The following TP63 variants were observed in gnomAD, a reference collection of about 807,000 sequenced individuals.
TP63 encodes tumor protein p63.
Under a neutral mutation model 82.8 loss-of-function variants are expected in TP63, and 17 were observed. That is an observed-to-expected ratio of 0.21 (90% confidence interval 0.14 to 0.31). TP63 has a LOEUF of 0.31. Ranked by LOEUF, TP63 falls within the 10% of genes least tolerant of loss-of-function variation. The pLI is 1.00. For missense variants in TP63, 648 were observed against 895.3 expected, an observed-to-expected ratio of 0.72 and a Z score of 3.52; for synonymous variants, 330 against 321.7, an observed-to-expected ratio of 1.03 and a Z score of -0.28.
intron 1 of TP63, among the ~76,000 whole-genome samples, chr3:189,682,623 A>G (rs1716080839): frequency 6.7e-6 from 1 of 148,402 alleles, no homozygotes; most frequent in African/African-American, 2.5e-5. Context: ...TTATTGAAGT[A>G]TTATTTATAA....
intron 3 of TP63, among the ~76,000 whole-genome samples, chr3:189,788,034 G>A (rs1448206573): frequency 6.6e-6 from 1 of 151,314 alleles, no homozygotes; most frequent in Non-Finnish European, 1.5e-5. Flanking sequence ...GTCAGTAGGT[G>A]TAGAATTTAG....
At position 189,869,754 on chromosome 3, in the gene TP63, G is replaced by A. The variant is rs36120022; in HGVS notation, c.1212+348G>A. 8.8e-3 allele frequency among the ~76,000 whole-genome samples: 1,315 copies of A among 149,416 alleles called. 6 individuals are homozygous for A. Among genetic ancestry groups the A allele is most frequent in the Middle Eastern group, 0.031 (9 of 292 alleles). On this transcript the variant is annotated intron_variant, in intron 9 of 13. Coordinates refer to ENST00000264731, the MANE Select transcript of TP63 (RefSeq NM_003722.5). Reference sequence around the variant, plus strand: ...TTTATAAGGGCAAAATCCCATTTATGAAGGCTCCACTCTCATTACCTAAAT... The same window carrying A: ...TTTATAAGGGCAAAATCCCATTTATAAAGGCTCCACTCTCATTACCTAAAT...
chr3:189,845,626 C>T (rs1714760187), intron 4 of TP63, among the ~76,000 whole-genome samples: 1 of 151,006 alleles, frequency 6.6e-6, no homozygotes, highest in African/African-American at 2.4e-5. Context: ...TTAAGCCTTT[C>T]TTAGAGTTTT....
chr3:189,667,589 C>G (rs1714514838), intron 1 of TP63, among the ~76,000 whole-genome samples: 1 of 152,012 alleles, frequency 6.6e-6, no homozygotes, highest in South Asian at 2.1e-4. Flanking sequence ...ATGGGATAAT[C>G]TTTACAAGCT....
the TP63 span, among the ~76,000 whole-genome samples, chr3:189,609,816 A>G: frequency 1.3e-5 from 2 of 152,120 alleles, no homozygotes; most frequent in African/African-American, 4.8e-5. Context: ...TGTCTTTGCT[A>G]TTGTGAATAG....
intron 1 of TP63, among the ~76,000 whole-genome samples, chr3:189,679,833 C>A (rs116556008): frequency 3.3e-5 from 5 of 152,164 alleles, no homozygotes; most frequent in Middle Eastern, 6.8e-3. Flanking sequence ...TAATTCTTGA[C>A]GTGGATATTC....
Position 189,808,469 on chromosome 3 carries a change from G to A in TP63, c.522G>A (p.Pro174=), listed in dbSNP as rs780233345. The change falls in exon 4 of 14, where the codon CCG becomes CCA. Residue 174 remains proline, a synonymous_variant. Transcript: ENST00000264731. ...AIPSNTDYPG[P]HSFDVSFQQS... ...CCTCCAACACCGACTACCCAGGCCC[G>A]CACAGTTTCGACGTGTCCTTCCAGC... is the stretch of plus-strand genomic sequence containing the variant. 5 of 1,613,996 alleles carry A rather than the reference G, an allele frequency of 3.1e-6. No individual in the cohort carries two copies. Among genetic ancestry groups the A allele is most frequent in the Non-Finnish European group, 4.2e-6 (5 of 1,180,052 alleles).
rs761941868 is a variant in TP63, at chr3:189,707,242, C to T, written c.63-30498C>T. ...TTCCTTTTCAAAATCTTGCTAAATG[C>T]TTGCATAGTATTTGCATATCTGTAA... is the stretch of plus-strand genomic sequence containing the variant. On this transcript the variant is annotated intron_variant, in intron 1 of 13. Coordinates refer to ENST00000264731, the MANE Select transcript of TP63 (RefSeq NM_003722.5). Among the ~76,000 whole-genome samples, 43 of 152,136 alleles carry T rather than the reference C, an allele frequency of 2.8e-4. 1 individual carries two copies. The highest frequency in any genetic ancestry group is 4.3e-4 in the Non-Finnish European group (29 of 68,004).
At chr3:189,765,432 G>GTTTTTTTTTT (rs1560167431) in intron 3 of TP63, among the ~76,000 whole-genome samples, 21 of 6,176 alleles carry the variant, frequency 3.4e-3, no homozygotes, top group South Asian at 0.015. Context: ...CCTGTCCTCT[G>GTTTTTTTTTT]CTTTTTTTTT....
intron 1 of TP63, among the ~76,000 whole-genome samples, chr3:189,641,133 T>C (rs1711832439): frequency 6.6e-6 from 1 of 152,114 alleles, no homozygotes; most frequent in African/African-American, 2.4e-5. Context: ...CATTGTAAAC[T>C]TAGTAGTTGA....
chr3:189,679,872 T>A (rs184999446), intron 1 of TP63, among the ~76,000 whole-genome samples: 1 of 152,324 alleles, frequency 6.6e-6, no homozygotes, highest in Admixed American at 6.5e-5. Flanking sequence ...TTGAAGAAGC[T>A]ATCTGTTCCC....
rs752838200 is a variant in TP63 at position 189,631,593 on chromosome 3, A to G, written c.62+16A>G. ...ACATCCAGCGGTGAGTTTGAATGTG[A>G]CATAACTTCTCTCAAAACTTAATTG... is the stretch of plus-strand genomic sequence containing the variant. On this transcript the variant is annotated intron_variant, in intron 1 of 13. Coordinates refer to ENST00000264731, the MANE Select transcript of TP63 (RefSeq NM_003722.5). 6.2e-6 allele frequency: 10 copies of G among 1,612,712 alleles called. No individual in the cohort carries two copies. Among genetic ancestry groups the G allele is most frequent in the Non-Finnish European group, 8.5e-6 (10 of 1,178,998 alleles).
intron 5 of TP63, among the ~76,000 whole-genome samples, chr3:189,864,802 C>T (rs1442650785): frequency 3.3e-5 from 5 of 151,854 alleles, no homozygotes; most frequent in East Asian, 1.9e-4. Context: ...GTCAGGAGAT[C>T]GAGACCATCC....
intron 1 of TP63, among the ~76,000 whole-genome samples, chr3:189,730,846 CACT>C (rs1461104200): frequency 6.6e-6 from 1 of 152,178 alleles, no homozygotes; most frequent in African/African-American, 2.4e-5. Flanking sequence ...TGGTCTGCAT[CACT>C]ACTAAGTGCT....
At chr3:189,798,746 G>A (rs564796742) in intron 3 of TP63, among the ~76,000 whole-genome samples, 3 of 152,008 alleles carry the variant, frequency 2.0e-5, no homozygotes, top group Admixed American at 1.3e-4. Context: ...TCTCTTAAAC[G>A]TGGTATTCCA....
Position 189,838,126 on chromosome 3 carries a change from CCA to C in TP63, c.580-26103_580-26102del, listed in dbSNP as rs537023070. Reference sequence around the variant, plus strand: ...TGAGCTAAGCTATGACACTTGTTTTCCACAGTTTCCTGAGCCCCCCTCCCTCC... The same window carrying C: ...TGAGCTAAGCTATGACACTTGTTTTCCAGTTTCCTGAGCCCCCCTCCCTCC... On this transcript the variant is annotated intron_variant, in intron 4 of 13. Coordinates refer to ENST00000264731, the MANE Select transcript of TP63 (RefSeq NM_003722.5). Among the ~76,000 whole-genome samples, 240 of 152,166 alleles carry C rather than the reference CCA, an allele frequency of 1.6e-3. 3 individuals carry two copies. Among genetic ancestry groups the C allele is most frequent in the Non-Finnish European group, 2.1e-3 (146 of 68,012 alleles).
At chr3:189,751,131 C>A (rs1168971696) in intron 3 of TP63, among the ~76,000 whole-genome samples, 1 of 152,118 alleles carries the variant, frequency 6.6e-6, no homozygotes, top group African/African-American at 2.4e-5. Flanking sequence ...CATCCATGTC[C>A]CTGCAAAGGA....
intron 9 of TP63, among the ~76,000 whole-genome samples, 170 bp from the exon 10 acceptor site, chr3:189,872,689 G>A (rs779093214): frequency 2.6e-5 from 4 of 152,056 alleles, no homozygotes; most frequent in Non-Finnish European, 4.4e-5. Flanking sequence ...ACTCTGCCCG[G>A]GTCTGAAAGA....
At chr3:189,852,567 T>G (rs2176085) in intron 4 of TP63, among the ~76,000 whole-genome samples, 62,939 of 152,052 alleles carry the variant, frequency 0.41, 13,442 homozygotes, top group Admixed American at 0.5. Flanking sequence ...CCCCCATCAT[T>G]TTCCCTTTTC....
Sources: gnomAD v4.1 joint callset for allele counts (sites outside exome capture counted in the v4.1 genomes callset) on GRCh38, gnomAD v4.1.1 for gene constraint, MANE v1.5 for transcripts, NCBI Gene and HGNC (gene_info 2026-07-23, HGNC 2026-07-21) for gene names.